STRN3: variants seen among roughly 807,000 people sequenced by gnomAD.
STRN3 encodes the protein striatin 3, also known as striatin-3.
Under a neutral mutation model 95.6 loss-of-function variants are expected in STRN3, and 29 were observed. The observed-to-expected ratio is 0.30, with a 90% CI of 0.23 to 0.41. The LOEUF is 0.41. Ranked by LOEUF, STRN3 falls within the 10% of genes least tolerant of loss-of-function variation. The probability of loss-of-function intolerance (pLI) is 1.00; values close to 1 mark genes in which losing one functional copy is unlikely to be tolerated. For synonymous variants in STRN3, 331 were observed against 357.6 expected, an observed-to-expected ratio of 0.93 and a Z score of 0.84; for missense variants, 890 against 972.1, an observed-to-expected ratio of 0.92 and a Z score of 1.12.
intron 9 of STRN3, among the ~76,000 whole-genome samples, chr14:30,917,670 T>TTTCA (rs1896775922): frequency 6.6e-6 from 1 of 152,142 alleles, no homozygotes; most frequent in Non-Finnish European, 1.5e-5. Flanking sequence ...CTATTTTATT[T>TTTCA]TTCATTCATT....
rs542446363 is a variant in STRN3, at chr14:30,894,698, G to T, written c.*713C>A. 1 of 174,098 alleles carries T rather than the reference G, an allele frequency of 5.7e-6. No homozygotes were observed. The highest frequency in any genetic ancestry group is 1.2e-5 in the Non-Finnish European group (1 of 82,170). The allele number at this position is 174,098 out of a possible 1,614,324, so 10.8% of individuals were successfully genotyped here. On this transcript the variant is annotated 3_prime_UTR_variant, in exon 18 of 18. Coordinates refer to ENST00000357479, the MANE Select transcript of STRN3 (RefSeq NM_001083893.2). ...GCTGAGCTGTATTAGGCAAAAGAAG[G>T]AAAGAAAGTGGTTACAGGGCAACGG...
intron 1 of STRN3, among the ~76,000 whole-genome samples, chr14:30,963,982 T>C (rs1476972470): frequency 6.6e-6 from 1 of 152,214 alleles, no homozygotes; most frequent in Admixed American, 6.5e-5. Flanking sequence ...CCAGGTGCGA[T>C]GGCTCATGCC....
intron 1 of STRN3, among the ~76,000 whole-genome samples, chr14:31,019,748 G>A (rs925133093): frequency 6.6e-6 from 1 of 151,882 alleles, no homozygotes; most frequent in Admixed American, 6.6e-5. Context: ...AGGCTCCACA[G>A]CATTCATAAT....
intron 1 of STRN3, among the ~76,000 whole-genome samples, chr14:31,010,402 T>C (rs1283660725): frequency 8.3e-6 from 1 of 120,214 alleles, no homozygotes. Flanking sequence ...CATATAACTA[T>C]TTTTTCAACA....
At chr14:31,011,067 T>C (rs903550715) in intron 1 of STRN3, among the ~76,000 whole-genome samples, 1 of 152,076 alleles carries the variant, frequency 6.6e-6, no homozygotes, top group African/African-American at 2.4e-5. Context: ...TTAATTGAAG[T>C]GATTTCTCTG....
At chr14:30,936,904 C>CT (rs1271624385) in intron 5 of STRN3, among the ~76,000 whole-genome samples, 1 of 152,210 alleles carries the variant, frequency 6.6e-6, no homozygotes, top group Non-Finnish European at 1.5e-5. Flanking sequence ...CACTCAAACA[C>CT]ATATTATTAG....
chr14:30,996,433 A>C (rs1280210005), intron 1 of STRN3, among the ~76,000 whole-genome samples: 1 of 152,168 alleles, frequency 6.6e-6, no homozygotes, highest in Admixed American at 6.5e-5. Flanking sequence ...AGTAAATATA[A>C]TTACTTGGGC....
chr14:30,926,710 T>C (rs977104462), intron 8 of STRN3, among the ~76,000 whole-genome samples: 37 of 152,076 alleles, frequency 2.4e-4, no homozygotes, highest in African/African-American at 8.2e-4. Flanking sequence ...ATTCATTTTT[T>C]TGAAAAAACA....
At chr14:30,984,142 C>CA (rs1397026173) in intron 1 of STRN3, among the ~76,000 whole-genome samples, 1 of 137,172 alleles carries the variant, frequency 7.3e-6, no homozygotes, top group East Asian at 2.2e-4. Context: ...CCCCAACCCC[C>CA]CCCCACACAC....
In STRN3 at chr14:30,998,526, G is replaced by A. The variant is rs1208090056; in HGVS notation, c.282+27378C>T. On this transcript the variant is annotated intron_variant, in intron 1 of 17. Transcript: ENST00000357479. ...TAACATTAAGGCTTTGCACAGGCAG[G>A]AAGAGCTCAAGCAGAGTTGTAAATT... Among the ~76,000 whole-genome samples, 3 of 152,212 alleles carry A rather than the reference G, an allele frequency of 2.0e-5. No individual in the cohort carries two copies. The East Asian group carries it at 5.8e-4, about 29-fold the overall frequency.
At chr14:30,936,981 A>C (rs1878853102) in intron 5 of STRN3, among the ~76,000 whole-genome samples, 1 of 152,172 alleles carries the variant, frequency 6.6e-6, no homozygotes, top group Non-Finnish European at 1.5e-5. Context: ...ACAACCTCTT[A>C]CAGTTTGGTC....
Position 30,952,127 on chromosome 14 carries a change from A to C in STRN3, c.461-1183T>G, listed in dbSNP as rs796881719. On this transcript the variant is annotated intron_variant, in intron 3 of 17. Coordinates refer to ENST00000357479, the MANE Select transcript of STRN3 (RefSeq NM_001083893.2). The stretch of plus-strand genomic sequence containing the variant: ...AGCGAGACCCTGTCTTAAACAACAA[A>C]AAAAAAGAGTTTAATAAACAGTATG... 2.2e-4 allele frequency among the ~76,000 whole-genome samples: 33 copies of C among 148,298 alleles called. 1 individual carries two copies. The highest frequency in any genetic ancestry group is 6.8e-4 in the African/African-American group (28 of 41,248).
intron 1 of STRN3, among the ~76,000 whole-genome samples, chr14:31,010,337 G>A (rs1014887535): frequency 6.7e-6 from 1 of 148,680 alleles, no homozygotes; most frequent in East Asian, 2.0e-4. Flanking sequence ...CCATTAACTC[G>A]TCATTTAGCA....
intron 1 of STRN3, among the ~76,000 whole-genome samples, chr14:30,957,834 G>C (rs1472813257): frequency 6.6e-6 from 1 of 152,194 alleles, no homozygotes; most frequent in Non-Finnish European, 1.5e-5. Context: ...ACAAGAGGTA[G>C]AATGTTCTTG....
At chr14:31,006,905 A>T (rs1882744769) in intron 1 of STRN3, among the ~76,000 whole-genome samples, 1 of 151,592 alleles carries the variant, frequency 6.6e-6, no homozygotes, top group African/African-American at 2.4e-5. Context: ...TGAACCCAGG[A>T]AGTCCAGGCT....
intron 9 of STRN3, among the ~76,000 whole-genome samples, chr14:30,918,359 T>A (rs1244468152): frequency 6.6e-6 from 1 of 151,672 alleles, no homozygotes; most frequent in Non-Finnish European, 1.5e-5. Flanking sequence ...ATACAAAAAA[T>A]TGGCCGGGGA....
At chr14:30,941,866 T>C (rs1009945820) in intron 5 of STRN3, among the ~76,000 whole-genome samples, 3 of 152,200 alleles carry the variant, frequency 2.0e-5, no homozygotes, top group African/African-American at 7.2e-5. Flanking sequence ...TCTCAAGTGT[T>C]CTGCCCACCT....
At chr14:30,905,774 G>A (rs538771633) in intron 14 of STRN3, among the ~76,000 whole-genome samples, 7 of 152,160 alleles carry the variant, frequency 4.6e-5, no homozygotes, top group East Asian at 3.9e-4. Context: ...ATTTAATATT[G>A]TAAGAAAAAT....
intron 1 of STRN3, among the ~76,000 whole-genome samples, chr14:30,987,188 T>C (rs891049730): frequency 6.6e-6 from 1 of 152,040 alleles, no homozygotes; most frequent in Admixed American, 6.6e-5. Flanking sequence ...CGTAGAGGCA[T>C]GGCAGCCGGA....
Sources: gnomAD v4.1 joint callset for allele counts (sites outside exome capture counted in the v4.1 genomes callset) on GRCh38, gnomAD v4.1.1 for gene constraint, MANE v1.5 for transcripts, NCBI Gene and HGNC (gene_info 2026-07-23, HGNC 2026-07-21) for gene names.